TTC28: variants seen among roughly 807,000 people sequenced by gnomAD.
The protein encoded by TTC28 is tetratricopeptide repeat domain 28.
Under a neutral mutation model 198.0 loss-of-function variants are expected in TTC28, and 61 were observed. The observed-to-expected ratio is 0.31, with a 90% CI of 0.25 to 0.38. The LOEUF (loss-of-function observed/expected upper bound fraction) is 0.38. Ranked by LOEUF, TTC28 falls within the 10% of genes least tolerant of loss-of-function variation. The pLI is 1.00. For synonymous variants in TTC28, 1,171 were observed against 1,297.8 expected (o/e 0.90, Z 2.10); for missense variants, 2,678 against 3,164.0 (o/e 0.85, Z 3.69).
chr22:28,058,066 T>G (rs911111162), intron 12 of TTC28, among the ~76,000 whole-genome samples: 1 of 152,168 alleles, frequency 6.6e-6, no homozygotes, highest in Non-Finnish European at 1.5e-5. Flanking sequence ...GCTTTGGATA[T>G]TCTAGGTCAA....
chr22:28,498,136 C>T (rs1444041427), intron 2 of TTC28, among the ~76,000 whole-genome samples: 1 of 149,550 alleles, frequency 6.7e-6, no homozygotes, highest in Non-Finnish European at 1.5e-5. Context: ...CTGAGCCTTC[C>T]GTTAAAAAAA....
At position 28,629,458 on chromosome 22, in the gene TTC28, G is replaced by A. The variant is rs2051134853; in HGVS notation, c.381+94C>T. The A allele has an allele frequency of 2.4e-6, 3 of 1,236,556 alleles. No homozygotes were observed. The African/African-American group carries it at 4.6e-5, about 19-fold the overall frequency. The allele number at this position is 1,236,556 out of a possible 1,614,324, so 76.6% of individuals were successfully genotyped here. Reference sequence around the variant, plus strand: ...TGAAGTACAGATTATTAAAATATTAGTAAGTACACTAAATCAACAAAATAT... The same window carrying A: ...TGAAGTACAGATTATTAAAATATTAATAAGTACACTAAATCAACAAAATAT... On this transcript the variant is annotated intron_variant, in intron 2 of 22. Coordinates refer to ENST00000397906, the MANE Select transcript of TTC28 (RefSeq NM_001145418.2).
chr22:28,438,889 C>T (rs1166439196), intron 2 of TTC28, among the ~76,000 whole-genome samples: 1 of 152,064 alleles, frequency 6.6e-6, no homozygotes, highest in East Asian at 1.9e-4. Context: ...TTGACAGAGC[C>T]TGGTACTATG....
chr22:28,564,162 T>C (rs1261336388), intron 2 of TTC28, among the ~76,000 whole-genome samples: 1 of 152,164 alleles, frequency 6.6e-6, no homozygotes, highest in Non-Finnish European at 1.5e-5. Context: ...TTAATGCATA[T>C]GGGACTTCCT....
At chr22:28,661,607 A>AAC (rs2051749561) in intron 1 of TTC28, among the ~76,000 whole-genome samples, 1 of 151,204 alleles carries the variant, frequency 6.6e-6, no homozygotes, top group Admixed American at 6.6e-5. Flanking sequence ...TGATAGACAG[A>AAC]TAGTTTTGTT....
chr22:28,623,939 A>T (rs1458713557), intron 2 of TTC28, among the ~76,000 whole-genome samples: 4 of 152,166 alleles, frequency 2.6e-5, no homozygotes, highest in Non-Finnish European at 5.9e-5. Flanking sequence ...TTAAAAAAAA[A>T]GAAAGATCTA....
At chr22:28,055,047 G>T (rs1217547382) in intron 12 of TTC28, among the ~76,000 whole-genome samples, 3 of 152,190 alleles carry the variant, frequency 2.0e-5, no homozygotes, top group Non-Finnish European at 4.4e-5. Flanking sequence ...GTTTGGATAA[G>T]TTCAGCAAGT....
At position 28,163,893 on chromosome 22, in the gene TTC28, A is replaced by C. The variant is rs1850648541; in HGVS notation, c.934-294T>G. 1.3e-5 allele frequency among the ~76,000 whole-genome samples: 2 copies of C among 152,156 alleles called. 1 individual carries two copies. Among genetic ancestry groups the C allele is most frequent in the South Asian group, 4.1e-4 (2 of 4,824 alleles). On this transcript the variant is annotated intron_variant, in intron 5 of 22. Coordinates refer to ENST00000397906, the MANE Select transcript of TTC28 (RefSeq NM_001145418.2). ...AAGGGGTCAAGGAATTCCCTTTCCT[A>C]GTCAAAGAAAGGGGTGACAGACGGC...
chr22:28,404,109 T>C (rs1362730913), intron 2 of TTC28, among the ~76,000 whole-genome samples: 1 of 152,086 alleles, frequency 6.6e-6, no homozygotes, highest in Non-Finnish European at 1.5e-5. Flanking sequence ...CTAGAATATA[T>C]GTTTTTTGTT....
intron 14 of TTC28, among the ~76,000 whole-genome samples, chr22:28,013,734 C>T (rs1938246071): frequency 6.6e-6 from 1 of 152,134 alleles, no homozygotes; most frequent in Non-Finnish European, 1.5e-5. Context: ...CTGGGAAGGG[C>T]ACAGCCACGG....
intron 2 of TTC28, among the ~76,000 whole-genome samples, chr22:28,599,047 GC>G (rs2146113490): frequency 6.6e-6 from 1 of 152,250 alleles, no homozygotes; most frequent in African/African-American, 2.4e-5. Flanking sequence ...ACTTCTCTGT[GC>G]GCTATATAGT....
chr22:28,241,170 G>A (rs950826048), intron 5 of TTC28, among the ~76,000 whole-genome samples: 1 of 152,130 alleles, frequency 6.6e-6, no homozygotes, highest in South Asian at 2.1e-4. Context: ...CCAATACCAT[G>A]CGTCTCTTGA....
chr22:28,651,783 GCTAA>G (rs2051568420), intron 1 of TTC28, among the ~76,000 whole-genome samples: 1 of 152,100 alleles, frequency 6.6e-6, no homozygotes, highest in South Asian at 2.1e-4. Context: ...TTTTAAGACA[GCTAA>G]CTGAGAAAAT....
chr22:28,236,927 T>A (rs1374120924), intron 5 of TTC28, among the ~76,000 whole-genome samples: 1 of 152,180 alleles, frequency 6.6e-6, no homozygotes, highest in Non-Finnish European at 1.5e-5. Context: ...CTCAAACCCC[T>A]AAAGGTTAAT....
At position 27,998,930 on chromosome 22, in the gene TTC28, A is replaced by G; in HGVS notation, c.4729T>C (p.Tyr1577His). Residue 1577 changes from tyrosine to histidine, a missense_variant, in exon 16 of 23, where the codon TAC becomes CAC. Tyr to His is a moderately conservative substitution (Grantham distance 83). Transcript: ENST00000397906. ...ASSKSSFGHPYTIPESLRVQD... is the reference protein window; with the variant it reads ...ASSKSSFGHPHTIPESLRVQD... Reference sequence around the variant, plus strand: ...ACCCGCAAGGACTCAGGGATCGTGTAGGGGTGGCCGAAGGAGCTCTTGCTG... The same window carrying G: ...ACCCGCAAGGACTCAGGGATCGTGTGGGGGTGGCCGAAGGAGCTCTTGCTG... The G allele has an allele frequency of 4.5e-6, 7 of 1,550,818 alleles. No homozygotes were observed. Among genetic ancestry groups the G allele is most frequent in the Non-Finnish European group, 6.1e-6 (7 of 1,146,982 alleles).
chr22:28,677,371 G>A (rs2052014717), intron 1 of TTC28, among the ~76,000 whole-genome samples: 1 of 151,966 alleles, frequency 6.6e-6, no homozygotes. Context: ...GATTGGCTGG[G>A]GGCAGTGGCT....
intron 2 of TTC28, among the ~76,000 whole-genome samples, chr22:28,536,861 GA>G (rs2145918128): frequency 6.6e-6 from 1 of 152,038 alleles, no homozygotes; most frequent in South Asian, 2.1e-4. Context: ...CTAGAAAAGA[GA>G]AATGGTAGAG....
intron 2 of TTC28, among the ~76,000 whole-genome samples, chr22:28,343,308 T>C (rs2045860817): frequency 6.6e-6 from 1 of 152,082 alleles, no homozygotes; most frequent in Admixed American, 6.6e-5. Flanking sequence ...GGCAGGTGGA[T>C]CATTTGAGGT....
intron 6 of TTC28, among the ~76,000 whole-genome samples, chr22:28,135,663 T>C (rs1047786147): frequency 2.0e-5 from 3 of 151,974 alleles, no homozygotes; most frequent in East Asian, 3.9e-4. Context: ...GAGAAGTAAA[T>C]AGAAGTTGAG....
Sources: gnomAD v4.1 joint callset for allele counts (sites outside exome capture counted in the v4.1 genomes callset) on GRCh38, gnomAD v4.1.1 for gene constraint, MANE v1.5 for transcripts, NCBI Gene and HGNC (gene_info 2026-07-23, HGNC 2026-07-21) for gene names.